The following TYR variants were observed in gnomAD, a reference collection of about 807,000 sequenced individuals.
TYR encodes tyrosinase.
A neutral mutation model predicts 51.5 loss-of-function variants in TYR; 58 were observed. The ratio of observed to expected loss-of-function variants is 1.13; its 90% CI spans 0.91 to 1.40. TYR has a LOEUF of 1.40. Ranked by LOEUF, TYR falls within the 40% of genes most tolerant of loss-of-function variation. The pLI, the probability that TYR is intolerant of heterozygous loss-of-function variation, is 0.00. For synonymous variants in TYR, 263 were observed against 235.2 expected (o/e 1.12, Z -1.08); for missense variants, 732 against 647.4 (o/e 1.13, Z -1.42).
At chr11:89,182,463 A>G (rs1943313998) in intron 1 of TYR, among the ~76,000 whole-genome samples, 1 of 152,128 alleles carries the variant, frequency 6.6e-6, no homozygotes, top group Non-Finnish European at 1.5e-5. Context: ...GTAGTTCCAT[A>G]TGTATGTCTG....
intron 2 of TYR, among the ~76,000 whole-genome samples, chr11:89,215,993 T>C (rs192275493): frequency 3.2e-4 from 48 of 152,330 alleles, no homozygotes; most frequent in African/African-American, 1.2e-3. Flanking sequence ...TTAGGATTTA[T>C]ACAACATACT....
chr11:89,186,995 T>C (rs1943382942), intron 1 of TYR, among the ~76,000 whole-genome samples: 1 of 152,148 alleles, frequency 6.6e-6, no homozygotes. Context: ...ACTTCCAAAC[T>C]CATGAACTTT....
chr11:89,270,425 A>T (rs1322384186), intron 3 of TYR, among the ~76,000 whole-genome samples: 1 of 151,786 alleles, frequency 6.6e-6, no homozygotes, highest in Non-Finnish European at 1.5e-5. Flanking sequence ...TGGCATTCAC[A>T]CTGTACTGTG....
intron 1 of TYR, among the ~76,000 whole-genome samples, chr11:89,188,958 C>G (rs768339405): frequency 5.9e-5 from 9 of 152,016 alleles, no homozygotes; most frequent in Non-Finnish European, 1.0e-4. Flanking sequence ...TATATTAAGA[C>G]AGTTTATTTA....
intron 2 of TYR, among the ~76,000 whole-genome samples, chr11:89,208,319 T>C (rs1287135005): frequency 6.6e-6 from 1 of 152,110 alleles, no homozygotes; most frequent in African/African-American, 2.4e-5. Context: ...AAGGCAAATA[T>C]TTGAAATTTA....
chr11:89,213,078 G>A (rs1182749419), intron 2 of TYR, among the ~76,000 whole-genome samples: 2 of 152,144 alleles, frequency 1.3e-5, no homozygotes, highest in African/African-American at 4.8e-5. Context: ...AGTATTGGAA[G>A]TTCTGGCCAG....
intron 4 of TYR, among the ~76,000 whole-genome samples, chr11:89,292,716 T>C (rs1944863918): frequency 6.6e-6 from 1 of 152,134 alleles, no homozygotes. Flanking sequence ...TTGAAAAGAC[T>C]GAGTCTACCT....
chr11:89,288,859 T>G (rs1305553235), intron 4 of TYR, among the ~76,000 whole-genome samples: 2 of 152,070 alleles, frequency 1.3e-5, no homozygotes, highest in African/African-American at 4.8e-5. Flanking sequence ...TTATCTCTAT[T>G]CATAGCTAAA....
chr11:89,178,994 A>T (rs767394402), intron 1 of TYR, among the ~76,000 whole-genome samples: 12 of 152,206 alleles, frequency 7.9e-5, no homozygotes, highest in Non-Finnish European at 1.3e-4. Flanking sequence ...AGGTTTCTAA[A>T]CTGCAATGAA....
chr11:89,294,588 G>T (rs1944885993), intron 4 of TYR, among the ~76,000 whole-genome samples: 1 of 152,216 alleles, frequency 6.6e-6, no homozygotes, highest in Non-Finnish European at 1.5e-5. Context: ...AACCCCCGAA[G>T]CCTTAGGACA....
intron 2 of TYR, among the ~76,000 whole-genome samples, chr11:89,204,555 C>T (rs114943081): frequency 0.023 from 3,441 of 151,696 alleles, 122 homozygotes; most frequent in African/African-American, 0.077. Flanking sequence ...CCAACAAGCC[C>T]GGCTAATTTT....
chr11:89,206,925 A>G (rs1943679294), intron 2 of TYR, among the ~76,000 whole-genome samples: 1 of 152,140 alleles, frequency 6.6e-6, no homozygotes, highest in African/African-American at 2.4e-5. Flanking sequence ...ATTTAAATAA[A>G]TAAAATTAAA....
chr11:89,285,614 T>A (rs550739005), intron 4 of TYR, among the ~76,000 whole-genome samples: 166 of 151,926 alleles, frequency 1.1e-3, no homozygotes, highest in Non-Finnish European at 1.9e-3. Flanking sequence ...GAGGAACAGA[T>A]AGTAGTGTTT....
intron 2 of TYR, among the ~76,000 whole-genome samples, chr11:89,211,132 T>C (rs1002808497): frequency 6.6e-6 from 1 of 152,092 alleles, no homozygotes; most frequent in African/African-American, 2.4e-5. Flanking sequence ...TAAATGTAAA[T>C]GGAGTAAATG....
At position 89,191,009 on chromosome 11, in the gene TYR, T is replaced by C. The variant is rs549001649; in HGVS notation, c.820-193T>C. Among the ~76,000 whole-genome samples, 10 of 152,282 alleles carry C rather than the reference T, an allele frequency of 6.6e-5. No homozygotes were observed. The South Asian group carries it at 2.1e-3, about 32-fold the overall frequency. On this transcript the variant is annotated intron_variant, in intron 1 of 4. Coordinates refer to ENST00000263321, the MANE Select transcript of TYR (RefSeq NM_000372.5). ...TAGGTTTGTGCAAGTACACTGACTA[T>C]GATGTTCACGCAATGACAAAATCAC...
At chr11:89,244,273 A>C (rs1202310074) in intron 3 of TYR, among the ~76,000 whole-genome samples, 1 of 151,954 alleles carries the variant, frequency 6.6e-6, no homozygotes, top group Non-Finnish European at 1.5e-5. Context: ...TTACAGAATT[A>C]TCTCTCTCAT....
chr11:89,280,527 T>C (rs1944709007), intron 3 of TYR, among the ~76,000 whole-genome samples: 1 of 151,498 alleles, frequency 6.6e-6, no homozygotes, highest in Non-Finnish European at 1.5e-5. Context: ...ATTCATGATT[T>C]TCTGCATATT....
Position 89,178,786 on chromosome 11 carries a change from G to C in TYR, c.819+14G>C. 1 of 1,613,372 alleles carries C rather than the reference G, an allele frequency of 6.2e-7. No homozygotes were observed. Among genetic ancestry groups the C allele is most frequent in the Non-Finnish European group, 8.5e-7 (1 of 1,179,538 alleles). ...TCCTCTTGGCAGGTAAGATATGCTA[G>C]ATATACGATGTCAGAGTAGGGAGGA... is the stretch of plus-strand genomic sequence containing the variant. On this transcript the variant is annotated intron_variant, in intron 1 of 4. Transcript: ENST00000263321.
chr11:89,224,871 G>A (rs1182573889), intron 2 of TYR, among the ~76,000 whole-genome samples: 1 of 151,924 alleles, frequency 6.6e-6, no homozygotes, highest in African/African-American at 2.4e-5. Context: ...TTGTGAAATT[G>A]CTTTTATCAA....
Sources: allele counts gnomAD v4.1 joint callset (sites outside exome capture counted in the v4.1 genomes callset), GRCh38; gene constraint gnomAD v4.1.1; transcripts MANE v1.5; gene names NCBI Gene and HGNC (gene_info 2026-07-23, HGNC 2026-07-21).